The following WWOX variants were observed in gnomAD, a reference collection of about 807,000 sequenced individuals.
WWOX encodes the protein WW domain containing oxidoreductase.
Under a neutral mutation model 46.2 loss-of-function variants are expected in WWOX, and 69 were observed. The ratio of observed to expected loss-of-function variants is 1.49; its 90% CI spans 1.23 to 1.82. WWOX has a LOEUF of 1.82. Ranked by LOEUF, WWOX falls within the 40% of genes most tolerant of loss-of-function variation. The pLI is 0.00. For missense variants in WWOX, 919 were observed against 542.6 expected, an observed-to-expected ratio of 1.69 and a Z score of -6.89; for synonymous variants, 359 against 202.6, an observed-to-expected ratio of 1.77 and a Z score of -6.56.
chr16:79,146,240 C>T (rs570776811), intron 8 of WWOX, among the ~76,000 whole-genome samples: 2 of 152,244 alleles, frequency 1.3e-5, no homozygotes, highest in East Asian at 1.9e-4. Flanking sequence ...GAGTCTTTTG[C>T]ATTTTTATTT....
chr16:78,700,655 A>G (rs901185372), intron 8 of WWOX, among the ~76,000 whole-genome samples: 3 of 152,086 alleles, frequency 2.0e-5, no homozygotes, highest in African/African-American at 7.2e-5. Flanking sequence ...ATCATATTAT[A>G]CTTCCATATC....
At chr16:78,385,134 A>ACACACACACAC (rs2082033915) in intron 5 of WWOX, among the ~76,000 whole-genome samples, 1 of 143,050 alleles carries the variant, frequency 7.0e-6, no homozygotes, top group Non-Finnish European at 1.5e-5. Context: ...ACTCCATCTA[A>ACACACACACAC]ACACACACAC....
At chr16:79,048,367 C>G (rs2048105064) in intron 8 of WWOX, among the ~76,000 whole-genome samples, 2 of 152,050 alleles carry the variant, frequency 1.3e-5, no homozygotes, top group South Asian at 2.1e-4. Flanking sequence ...GCCACTCTAC[C>G]TGTTTACAAA....
intron 5 of WWOX, among the ~76,000 whole-genome samples, chr16:78,231,069 C>G (rs1433307017): frequency 6.6e-6 from 1 of 152,206 alleles, no homozygotes; most frequent in South Asian, 2.1e-4. Context: ...GGGACGTGAA[C>G]TGACAACATT....
At chr16:78,818,245 G>T (rs978750663) in intron 8 of WWOX, among the ~76,000 whole-genome samples, 70 of 152,296 alleles carry the variant, frequency 4.6e-4, no homozygotes, top group African/African-American at 1.7e-3. Flanking sequence ...CTGGAAGGGA[G>T]ACCTGGGCTG....
At chr16:78,928,108 T>G (rs2045540370) in intron 8 of WWOX, among the ~76,000 whole-genome samples, 1 of 152,160 alleles carries the variant, frequency 6.6e-6, no homozygotes, top group African/African-American at 2.4e-5. Context: ...TTTGTCCGTA[T>G]GTATTTACAT....
At chr16:78,604,242 T>A (rs2045690886) in intron 8 of WWOX, among the ~76,000 whole-genome samples, 1 of 152,210 alleles carries the variant, frequency 6.6e-6, no homozygotes, top group Non-Finnish European at 1.5e-5. Context: ...ACTCCAAATG[T>A]AACTCCTGGG....
intron 5 of WWOX, among the ~76,000 whole-genome samples, chr16:78,343,473 T>G (rs9931769): frequency 0.11 from 13,372 of 120,258 alleles, 4,133 homozygotes; most frequent in African/African-American, 0.33. Context: ...TCCCTTGTTT[T>G]CAGATTCCTC....
chr16:78,299,688 C>T (rs72790101), intron 5 of WWOX, among the ~76,000 whole-genome samples: 8,794 of 151,848 alleles, frequency 0.058, 470 homozygotes, highest in Admixed American at 0.16. Flanking sequence ...CCACCATGCC[C>T]GCCTAATTTT....
intron 8 of WWOX, among the ~76,000 whole-genome samples, chr16:78,556,468 A>G (rs1939805914): frequency 6.6e-6 from 1 of 152,158 alleles, no homozygotes; most frequent in Non-Finnish European, 1.5e-5. Flanking sequence ...CCCTGTTCCC[A>G]TATCTGAGAT....
At chr16:78,151,854 C>CT (rs1379153334) in intron 4 of WWOX, among the ~76,000 whole-genome samples, 2 of 152,216 alleles carry the variant, frequency 1.3e-5, no homozygotes, top group Non-Finnish European at 2.9e-5. Flanking sequence ...ACTTTTGTGT[C>CT]TTACGTGCAC....
At chr16:78,889,563 C>G (rs2044543311) in intron 8 of WWOX, among the ~76,000 whole-genome samples, 2 of 152,054 alleles carry the variant, frequency 1.3e-5, no homozygotes, top group Admixed American at 6.6e-5. Context: ...GTCCACTGGT[C>G]TCCACTAGGA....
chr16:78,894,834 C>T (rs750567751), intron 8 of WWOX, among the ~76,000 whole-genome samples: 8 of 152,066 alleles, frequency 5.3e-5, no homozygotes, highest in East Asian at 1.9e-4. Flanking sequence ...TTCCACAATG[C>T]GGCTATTATG....
At position 78,367,503 on chromosome 16, in the gene WWOX, G is replaced by A. The variant is rs76901996; in HGVS notation, c.517-19357G>A. Among the ~76,000 whole-genome samples the A allele has an allele frequency of 2.9e-4, 44 of 152,102 alleles. No individual in the cohort carries two copies. The East Asian group carries it at 8.3e-3, about 29-fold the overall frequency. On this transcript the variant is annotated intron_variant, in intron 5 of 8. Coordinates refer to ENST00000566780, the MANE Select transcript of WWOX (RefSeq NM_016373.4). Reference sequence around the variant, plus strand: ...ATAATTCTTTGTCCAGTGTCACCCAGGGAAGCCAAAAGATTGGACACCCTG... The same window carrying A: ...ATAATTCTTTGTCCAGTGTCACCCAAGGAAGCCAAAAGATTGGACACCCTG...
At chr16:78,903,687 A>G (rs903158643) in intron 8 of WWOX, among the ~76,000 whole-genome samples, 2 of 152,144 alleles carry the variant, frequency 1.3e-5, no homozygotes, top group Non-Finnish European at 2.9e-5. Context: ...TCACTTTGAG[A>G]AGCACCTGGA....
intron 8 of WWOX, among the ~76,000 whole-genome samples, chr16:79,163,517 G>C (rs2050528018): frequency 6.6e-6 from 1 of 152,116 alleles, no homozygotes. Context: ...GTTAGAGAAA[G>C]GCCGGGCATG....
chr16:78,999,006 C>T lies in WWOX; in HGVS notation c.1057-212602C>T, dbSNP rs928869737. On this transcript the variant is annotated intron_variant, in intron 8 of 8. Transcript: ENST00000566780. ...CCAGATGTAACAGCGGAATATTCCA[C>T]CTTCTAGGAACCAAATGGCTGTGAA... Among the ~76,000 whole-genome samples, 3 of 152,194 alleles carry T rather than the reference C, an allele frequency of 2.0e-5. No homozygotes were observed. The East Asian group carries it at 5.8e-4, about 29-fold the overall frequency.
rs578190518 is a variant in WWOX at position 78,519,253 on chromosome 16, C to A, written c.1056+86501C>A. On this transcript the variant is annotated intron_variant, in intron 8 of 8. Coordinates refer to ENST00000566780, the MANE Select transcript of WWOX (RefSeq NM_016373.4). The stretch of plus-strand genomic sequence containing the variant: ...AGGGTTTTGTGTGTTAAAGGACTTG[C>A]GGAGTGCCTAGAACCCAATGAGGGC... 7.0e-4 allele frequency among the ~76,000 whole-genome samples: 107 copies of A among 152,122 alleles called. 1 individual carries two copies. Among genetic ancestry groups the A allele is most frequent in the Admixed American group, 3.1e-3 (48 of 15,278 alleles).
chr16:78,394,595 A>C (rs2082245745), intron 6 of WWOX, among the ~76,000 whole-genome samples: 1 of 152,208 alleles, frequency 6.6e-6, no homozygotes, highest in Admixed American at 6.5e-5. Context: ...TCAAAGTATG[A>C]CCGTAAAGGG....
Sources: allele counts gnomAD v4.1 joint callset (sites outside exome capture counted in the v4.1 genomes callset), GRCh38; gene constraint gnomAD v4.1.1; transcripts MANE v1.5; gene names NCBI Gene and HGNC (gene_info 2026-07-23, HGNC 2026-07-21).